ZNF519: variants seen among roughly 807,000 people sequenced by gnomAD.
The protein encoded by ZNF519 is similar to Zinc finger protein 85 (Zinc finger protein HPF4) (HTF1).
Under a neutral mutation model 7.4 loss-of-function variants are expected in ZNF519, and 7 were observed. The observed-to-expected ratio is 0.94, with a 90% CI of 0.54 to 1.77. The LOEUF (loss-of-function observed/expected upper bound fraction) is 1.77. ZNF519 is among the 40% of genes most tolerant of loss of function. The pLI, the probability that ZNF519 is intolerant of heterozygous loss-of-function variation, is 0.00. For synonymous variants in ZNF519, 179 were observed against 203.3 expected (o/e 0.88, Z 1.02); for missense variants, 586 against 623.1 (o/e 0.94, Z 0.63).
downstream of ZNF519, among the ~76,000 whole-genome samples, chr18:14,096,319 A>C (rs1291924828): frequency 3.3e-5 from 5 of 152,216 alleles, no homozygotes; most frequent in African/African-American, 1.2e-4. Context: ...ACCAGGTATT[A>C]TAATTTCTCA....
chr18:14,074,063 AT>A (rs2046037988), downstream of ZNF519: 1 of 152,252 alleles, frequency 6.6e-6, no homozygotes, highest in Non-Finnish European at 1.5e-5. Context: ...GGAAGATTCC[AT>A]CTCAAACAGC....
chr18:14,106,544 C>A, intron 2 of ZNF519, 135 bp from the exon 3 acceptor site: 1 of 636,510 alleles, frequency 1.6e-6, no homozygotes, highest in Non-Finnish European at 2.4e-6. Flanking sequence ...AAGGACAGAG[C>A]AAGATGGCTA....
intron 3 of ZNF519, among the ~76,000 whole-genome samples, chr18:14,081,750 C>G (rs1443468421): frequency 6.6e-6 from 1 of 151,978 alleles, no homozygotes; most frequent in South Asian, 2.1e-4. Flanking sequence ...TGCTGTGAAC[C>G]TTAAACTTCT....
At position 14,104,954 on chromosome 18, in the gene ZNF519, G is replaced by T; in HGVS notation, c.1586C>A (p.Ser529Ter). The change falls in exon 3 of 3, where the codon TCA becomes TAA. Residue 529 changes from serine to a stop codon, truncating the protein, a stop_gained. Transcript: ENST00000590202. LOFTEE classifies it low-confidence loss of function (END_TRUNC). ...AATTATTTGATGTTGAGTAAGGGTT[G>T]AGCGTCTGTTAAAAGCTTTGCCACA... ...KECGKAFNRR[S>*]TLTQHQIIHT... is the part of the protein sequence containing the mutation. The T allele has an allele frequency of 1.9e-6, 3 of 1,581,772 alleles. No individual in the cohort carries two copies. The highest frequency in any genetic ancestry group is 2.4e-5 in the South Asian group (2 of 84,096).
chr18:14,079,961 A>G (rs2046063694), intron 3 of ZNF519, among the ~76,000 whole-genome samples: 1 of 152,168 alleles, frequency 6.6e-6, no homozygotes, highest in Non-Finnish European at 1.5e-5. Flanking sequence ...AAGAAATGGA[A>G]AAGAAAAGAC....
At chr18:14,112,491 T>A (rs566196695) in intron 2 of ZNF519, among the ~76,000 whole-genome samples, 1 of 152,228 alleles carries the variant, frequency 6.6e-6, no homozygotes, top group East Asian at 1.9e-4. Flanking sequence ...GCAACCAAAT[T>A]GGAAAGGAAG....
At chr18:14,080,415 G>A (rs1446444335) in intron 3 of ZNF519, 3 of 132,136 alleles carry the variant, frequency 2.3e-5, no homozygotes, top group Non-Finnish European at 4.6e-5. Flanking sequence ...TCCACCTCCC[G>A]GGTTCAAGCA....
chr18:14,126,954 C>T (rs1240282617), intron 1 of ZNF519, among the ~76,000 whole-genome samples: 5 of 152,170 alleles, frequency 3.3e-5, no homozygotes, highest in Non-Finnish European at 7.3e-5. Flanking sequence ...AGGAGACACT[C>T]AGGCTTTGTG....
chr18:14,071,674 C>T (rs758928790), downstream of ZNF519: 50 of 152,090 alleles, frequency 3.3e-4, no homozygotes, highest in African/African-American at 1.2e-3. Flanking sequence ...GAGTAATAAA[C>T]GCAGGTATAA....
At chr18:14,114,194 T>C (rs1465825402) in intron 2 of ZNF519, among the ~76,000 whole-genome samples, 1 of 152,206 alleles carries the variant, frequency 6.6e-6, no homozygotes, top group African/African-American at 2.4e-5. Flanking sequence ...TGCAGGGTAT[T>C]ATTCAAGACA....
intron 2 of ZNF519, 141 bp from the exon 3 acceptor site, chr18:14,106,550 G>A (rs1439457911): frequency 6.8e-6 from 4 of 586,210 alleles, no homozygotes; most frequent in African/African-American, 1.9e-5. Flanking sequence ...AGAGCAAGAT[G>A]GCTAAATAGA....
intron 2 of ZNF519, among the ~76,000 whole-genome samples, chr18:14,087,903 A>G (rs1427380700): frequency 7.0e-6 from 1 of 143,598 alleles, no homozygotes; most frequent in Non-Finnish European, 1.5e-5. Flanking sequence ...TTGTGTGAAC[A>G]GATTATGGAT....
chr18:14,126,612 C>A (rs983821256), intron 1 of ZNF519, among the ~76,000 whole-genome samples: 3 of 152,174 alleles, frequency 2.0e-5, no homozygotes, highest in Admixed American at 2.0e-4. Flanking sequence ...GGGACCATGA[C>A]TGCTTCATCT....
At chr18:14,076,592 T>G (rs1007624396) in exon 5 of ZNF519, 8 of 152,166 alleles carry the variant, frequency 5.3e-5, no homozygotes, top group African/African-American at 1.9e-4. Flanking sequence ...ATGTCAGAAT[T>G]GTTTAACATA....
In ZNF519 at chr18:14,105,760, A is replaced by G. The variant is rs1362949821; in HGVS notation, c.780T>C (p.Thr260=). Residue 260 remains threonine, a synonymous_variant, in exon 3 of 3, where the codon ACT becomes ACC. Transcript: ENST00000590202. ...CTTTATATTTCACTGATTTTTCTCC[A>G]GTGTTAATTATCTTATGTCCCTTTA... ...SHLKGHKIIN[T]GEKSVKYKER... 6.2e-7 allele frequency: 1 copy of G among 1,613,816 alleles called. No individual in the cohort carries two copies. The highest frequency in any genetic ancestry group is 1.7e-5 in the Admixed American group (1 of 59,934).
At chr18:14,083,923 T>G (rs910633991) in intron 3 of ZNF519, among the ~76,000 whole-genome samples, 1 of 152,206 alleles carries the variant, frequency 6.6e-6, no homozygotes, top group Non-Finnish European at 1.5e-5. Context: ...AAACAATCCC[T>G]GCTGTCCTAT....
intron 2 of ZNF519, among the ~76,000 whole-genome samples, chr18:14,112,116 AG>A (rs2046224100): frequency 6.6e-6 from 1 of 152,202 alleles, no homozygotes; most frequent in Admixed American, 6.5e-5. Flanking sequence ...CAGATTAAAA[AG>A]ATTATTATAC....
In ZNF519 at chr18:14,104,964, T is replaced by C; in HGVS notation, c.1576A>G (p.Asn526Asp). ...TGTTGAGTAAGGGTTGAGCGTCTGT[T>C]AAAAGCTTTGCCACATTCTTTACAT... ...FKCKECGKAF[N>D]RRSTLTQHQI... Residue 526 changes from asparagine to aspartate, a missense_variant, in exon 3 of 3, where the codon AAC (asparagine) becomes GAC (aspartate). Transcript: ENST00000590202. 6.3e-7 allele frequency: 1 copy of C among 1,590,910 alleles called. No homozygotes were observed. Among genetic ancestry groups the C allele is most frequent in the Non-Finnish European group, 8.5e-7 (1 of 1,170,560 alleles).
intron 2 of ZNF519, chr18:14,090,909 G>T (rs1291416592): frequency 6.6e-6 from 1 of 152,140 alleles, no homozygotes; most frequent in African/African-American, 2.4e-5. Context: ...ATAAAGCTCT[G>T]CAAATGTTAA....
Sources: gnomAD v4.1 joint callset for allele counts (sites outside exome capture counted in the v4.1 genomes callset) on GRCh38, gnomAD v4.1.1 for gene constraint, MANE v1.5 for transcripts, NCBI Gene and HGNC (gene_info 2026-07-23, HGNC 2026-07-21) for gene names.